DDX19A: variants seen among roughly 807,000 people sequenced by gnomAD.
DDX19A encodes the protein ATP-dependent RNA helicase DDX19A.
DDX19A carries 12 observed loss-of-function variants against 60.6 expected under a neutral mutation model. The ratio of observed to expected loss-of-function variants is 0.20; its 90% CI spans 0.13 to 0.32. DDX19A has a LOEUF of 0.32. Among genes scored for constraint, DDX19A ranks in the 10% least tolerant of loss-of-function variants. DDX19A has a pLI of 1.00. For synonymous variants in DDX19A, 206 were observed against 218.2 expected (o/e 0.94, Z 0.49); for missense variants, 337 against 600.6 (o/e 0.56, Z 4.59).
rs1464065066 is a variant in DDX19A, at chr16:70,372,392, G to A, written c.*406G>A. On this transcript the variant is annotated 3_prime_UTR_variant, in exon 12 of 12. Transcript: ENST00000302243. ...GGAAAATGGTGTGAGCCCCACCGCT[G>A]TGCATCGAATGAGGGAAGTGGCAGC... is the stretch of plus-strand genomic sequence containing the variant. 1 of 259,668 alleles carries A rather than the reference G, an allele frequency of 3.9e-6. No individual in the cohort carries two copies. Among genetic ancestry groups the A allele is most frequent in the South Asian group, 4.4e-5 (1 of 22,506 alleles). The allele number at this position is 259,668 out of a possible 1,614,324, so 16.1% of individuals were successfully genotyped here.
At chr16:70,358,645 A>T (rs1026564027) in intron 4 of DDX19A, among the ~76,000 whole-genome samples, 1 of 152,074 alleles carries the variant, frequency 6.6e-6, no homozygotes, top group East Asian at 1.9e-4. Context: ...GGAGTTCGAG[A>T]CCAGACTGGT....
At chr16:70,351,988 C>G (rs909618419) in intron 2 of DDX19A, among the ~76,000 whole-genome samples, 5 of 152,072 alleles carry the variant, frequency 3.3e-5, no homozygotes, top group African/African-American at 9.7e-5. Flanking sequence ...TGTAGCAACC[C>G]TATTTCAAAA....
intron 4 of DDX19A, among the ~76,000 whole-genome samples, chr16:70,357,391 TTTTTTTTTTTTG>T (rs1964245219): frequency 2.0e-5 from 2 of 100,232 alleles, no homozygotes; most frequent in African/African-American, 3.9e-5. Context: ...TTTTTTTTTT[TTTTTTTTTTTTG>T]AGACCAAGTC....
chr16:70,371,123 C>A, intron 10 of DDX19A: 1 of 653,344 alleles, frequency 1.5e-6, no homozygotes, highest in South Asian at 2.0e-5. Context: ...CGCCCATCTC[C>A]AGAACATTGT....
At position 70,370,234 on chromosome 16, in the gene DDX19A, A is replaced by T; in HGVS notation, c.1032A>T (p.Thr344=). ...QAMIFCHTRK[T]ASWLAAELSK... is the part of the protein sequence containing the mutation. ...TTTTTTTCTTCCAGACTCGCAAAAC[A>T]GCTAGTTGGCTGGCAGCAGAGCTCT... The change falls in exon 10 of 12, where the codon ACA becomes ACT. Residue 344 remains threonine, a synonymous_variant. Coordinates refer to ENST00000302243, the MANE Select transcript of DDX19A (RefSeq NM_018332.5). 6.2e-7 allele frequency: 1 copy of T among 1,608,444 alleles called. No individual in the cohort carries two copies. Among genetic ancestry groups the T allele is most frequent in the Non-Finnish European group, 8.5e-7 (1 of 1,178,680 alleles).
chr16:70,373,179 G>C lies in DDX19A; in HGVS notation c.*1193G>C, dbSNP rs2047308028. The stretch of plus-strand genomic sequence containing the variant: ...TGAGCCTGGGTAGAGGCTGCTGTGA[G>C]CTGAAATGGCGCCACTGCACTCCAG... On this transcript the variant is annotated 3_prime_UTR_variant, in exon 12 of 12. Transcript: ENST00000302243. 6.6e-6 allele frequency: 1 copy of C among 152,198 alleles called. No individual in the cohort carries two copies. Among genetic ancestry groups the C allele is most frequent in the South Asian group, 2.1e-4 (1 of 4,826 alleles). 9.4% of individuals were successfully genotyped at this position (152,198 alleles called of 1,614,324 possible). A position where few individuals can be genotyped will look rare whatever the true frequency, so the allele number is the denominator to read the frequency against.
chr16:70,352,030 T>C (rs1964031285), intron 2 of DDX19A, among the ~76,000 whole-genome samples: 1 of 152,140 alleles, frequency 6.6e-6, no homozygotes, highest in Non-Finnish European at 1.5e-5. Flanking sequence ...TGGTTAGGAC[T>C]TGAATATATG....
chr16:70,354,422 C>T (rs1452797055), intron 2 of DDX19A, among the ~76,000 whole-genome samples: 1 of 152,218 alleles, frequency 6.6e-6, no homozygotes, highest in Non-Finnish European at 1.5e-5. Flanking sequence ...GCTGGAATTA[C>T]AGGCATGAGC....
chr16:70,356,642 G>A (rs750463942), intron 4 of DDX19A, among the ~76,000 whole-genome samples: 176 of 151,990 alleles, frequency 1.2e-3, no homozygotes, highest in Non-Finnish European at 2.1e-3. Context: ...ACAGGCGTGA[G>A]CCACCGTGCC....
chr16:70,368,987 C>T (rs1236235542), intron 9 of DDX19A, among the ~76,000 whole-genome samples: 2 of 148,720 alleles, frequency 1.3e-5, no homozygotes, highest in East Asian at 4.0e-4. Context: ...CTGCCTCAGC[C>T]TTCCCGGGTA....
At chr16:70,354,221 C>G (rs1489867091) in intron 2 of DDX19A, among the ~76,000 whole-genome samples, 1 of 151,856 alleles carries the variant, frequency 6.6e-6, no homozygotes, top group Non-Finnish European at 1.5e-5. Context: ...TCTCAGCTCA[C>G]TGCAACCTCC....
chr16:70,369,159 G>C (rs1042502476), intron 9 of DDX19A, among the ~76,000 whole-genome samples: 3 of 145,078 alleles, frequency 2.1e-5, no homozygotes, highest in African/African-American at 7.8e-5. Context: ...GAACCACCGT[G>C]CCCGGCCAAT....
intron 4 of DDX19A, 115 bp from the exon 5 acceptor site, chr16:70,361,303 T>C: frequency 1.2e-6 from 1 of 811,328 alleles, no homozygotes; most frequent in Non-Finnish European, 2.0e-6. Context: ...CATAGGAAAA[T>C]ACGTCTGACA....
At chr16:70,371,306 T>C in intron 10 of DDX19A, 66 bp from the exon 11 acceptor site, 1 of 1,614,100 alleles carries the variant, frequency 6.2e-7, no homozygotes, top group Middle Eastern at 1.6e-4. Context: ...TTGACCTACC[T>C]ATGGATGACA....
intron 5 of DDX19A, among the ~76,000 whole-genome samples, chr16:70,362,355 A>C (rs1964389495): frequency 1.3e-5 from 2 of 151,906 alleles, no homozygotes; most frequent in South Asian, 2.1e-4. Flanking sequence ...AAAAAAAAAA[A>C]AAAAAAACTG....
intron 2 of DDX19A, among the ~76,000 whole-genome samples, chr16:70,352,492 C>T (rs1964047905): frequency 6.6e-6 from 1 of 151,950 alleles, no homozygotes; most frequent in East Asian, 1.9e-4. Flanking sequence ...ACCATGTTGG[C>T]CAGGTTGGTC....
rs192971491 is a variant in DDX19A, at chr16:70,353,395, C to T, written c.107-2090C>T. ...TCGCAAAGTGCTAGGATTACAGGCA[C>T]GAGCCACCACGCCTGGCCTTTTTTT... is the stretch of plus-strand genomic sequence containing the variant. On this transcript the variant is annotated intron_variant, in intron 2 of 11. Transcript: ENST00000302243. 6.9e-4 allele frequency among the ~76,000 whole-genome samples: 105 copies of T among 151,550 alleles called. 1 individual carries two copies. Among genetic ancestry groups the T allele is most frequent in the Admixed American group, 2.1e-3 (32 of 15,204 alleles).
chr16:70,365,080 G>A lies in DDX19A; in HGVS notation c.553G>A (p.Gly185Ser). 2 of 1,614,146 alleles carry A rather than the reference G, an allele frequency of 1.2e-6. No homozygotes were observed. Among genetic ancestry groups the A allele is most frequent in the South Asian group, 1.1e-5 (1 of 91,086 alleles). ...AACAGGAAAAGTGATTGAGCAGATG[G>A]GCAAATTTTACCCAGAACTGAAGCT... is the stretch of plus-strand genomic sequence containing the variant. ...LQTGKVIEQMGKFYPELKLAY... is the reference protein window; with the variant it reads ...LQTGKVIEQMSKFYPELKLAY... The change falls in exon 7 of 12, where the codon GGC becomes AGC. Residue 185 changes from glycine to serine, a missense_variant. Coordinates refer to ENST00000302243, the MANE Select transcript of DDX19A (RefSeq NM_018332.5).
At chr16:70,362,171 CA>C (rs1307887865) in intron 5 of DDX19A, among the ~76,000 whole-genome samples, 124 of 107,296 alleles carry the variant, frequency 1.2e-3, no homozygotes, top group Middle Eastern at 5.3e-3. Flanking sequence ...GACCCTGTCT[CA>C]AAAAAAAAAA....
Sources: gnomAD v4.1 joint callset for allele counts (sites outside exome capture counted in the v4.1 genomes callset) on GRCh38, gnomAD v4.1.1 for gene constraint, MANE v1.5 for transcripts, NCBI Gene and HGNC (gene_info 2026-07-23, HGNC 2026-07-21) for gene names.